Variants in SDK1 observed in about 807,000 individuals in gnomAD.
SDK1 encodes the protein protein sidekick-1.
In SDK1, 157 loss-of-function variants were observed where a neutral mutation model predicts 245.5. The observed-to-expected ratio is 0.64, with a 90% CI of 0.56 to 0.73. SDK1 has a LOEUF of 0.73. Among genes scored for constraint, SDK1 ranks in the 30% least tolerant of loss-of-function variants. The pLI is 0.00. For missense variants in SDK1, 3,583 were observed against 3,002.3 expected (o/e 1.19, Z -4.52); for synonymous variants, 1,647 against 1,278.5 (o/e 1.29, Z -6.15).
At chr7:3,972,906 A>T (rs559583497) in intron 12 of SDK1, among the ~76,000 whole-genome samples, 6 of 152,198 alleles carry the variant, frequency 3.9e-5, no homozygotes, top group African/African-American at 1.4e-4. Flanking sequence ...CAAGTGAAAG[A>T]CGACCTAGGA....
At chr7:3,662,041 ATTTTTTTT>A (rs572659449) in intron 4 of SDK1, among the ~76,000 whole-genome samples, 3,935 of 125,766 alleles carry the variant, frequency 0.031, 155 homozygotes, top group African/African-American at 0.1. Context: ...CAACGGTTGT[ATTTTTTTT>A]TTTTTTTTTT....
intron 1 of SDK1, among the ~76,000 whole-genome samples, chr7:3,341,927 T>C (rs531270876): frequency 6.6e-6 from 1 of 152,310 alleles, no homozygotes; most frequent in South Asian, 2.1e-4. Flanking sequence ...ATAAAAAGGT[T>C]ATTGAAAAAC....
intron 5 of SDK1, among the ~76,000 whole-genome samples, chr7:3,948,153 C>G (rs1780652730): frequency 6.6e-6 from 1 of 151,232 alleles, no homozygotes; most frequent in Admixed American, 6.6e-5. Flanking sequence ...AAATGCATAG[C>G]TTTGCCATCA....
At chr7:3,313,258 T>A (rs917982122) in intron 1 of SDK1, among the ~76,000 whole-genome samples, 2 of 152,044 alleles carry the variant, frequency 1.3e-5, no homozygotes, top group Non-Finnish European at 2.9e-5. Flanking sequence ...AATACAAAAA[T>A]TAGCTGGGCA....
At chr7:3,373,862 C>T (rs1781289305) in intron 1 of SDK1, among the ~76,000 whole-genome samples, 1 of 152,042 alleles carries the variant, frequency 6.6e-6, no homozygotes, top group African/African-American at 2.4e-5. Context: ...ACAAAGAAGA[C>T]CTCATTCACA....
intron 30 of SDK1, among the ~76,000 whole-genome samples, chr7:4,150,504 C>T (rs1780288261): frequency 6.6e-6 from 1 of 152,178 alleles, no homozygotes; most frequent in Non-Finnish European, 1.5e-5. Context: ...AAGGGGAGAC[C>T]ATGATCCCAC....
chr7:3,903,496 C>T (rs1162735929), intron 5 of SDK1, among the ~76,000 whole-genome samples: 1 of 152,094 alleles, frequency 6.6e-6, no homozygotes, highest in Non-Finnish European at 1.5e-5. Flanking sequence ...GAAGTAGATA[C>T]ATTTTAACCC....
chr7:4,113,734 A>T (rs888684832), intron 24 of SDK1, among the ~76,000 whole-genome samples: 1 of 152,238 alleles, frequency 6.6e-6, no homozygotes, highest in African/African-American at 2.4e-5. Flanking sequence ...AGCTAGGTCA[A>T]CATGGAACCA....
At chr7:3,960,009 C>T (rs79608276) in intron 8 of SDK1, among the ~76,000 whole-genome samples, 3,684 of 152,226 alleles carry the variant, frequency 0.024, 146 homozygotes, top group African/African-American at 0.083. Context: ...TATCAGGAAA[C>T]GAAAAGGATC....
chr7:3,986,853 T>G (rs1295808856), intron 13 of SDK1, among the ~76,000 whole-genome samples: 6 of 152,150 alleles, frequency 3.9e-5, no homozygotes, highest in African/African-American at 1.4e-4. Context: ...GAGCGAGACT[T>G]GGTCTTATAA....
chr7:4,044,183 T>A (rs1388864308), intron 17 of SDK1, among the ~76,000 whole-genome samples: 1 of 152,200 alleles, frequency 6.6e-6, no homozygotes, highest in Admixed American at 6.5e-5. Flanking sequence ...CGTGCACACG[T>A]TGGCGCCATG....
intron 4 of SDK1, 23 bp downstream of exon 4, chr7:3,642,128 G>A (rs1782671307): frequency 1.2e-6 from 2 of 1,611,222 alleles, no homozygotes; most frequent in East Asian, 2.2e-5. Flanking sequence ...AAACGTTAAA[G>A]CTTCAAATAC....
chr7:4,053,922 G>A (rs1779039706), intron 19 of SDK1, among the ~76,000 whole-genome samples: 1 of 151,866 alleles, frequency 6.6e-6, no homozygotes, highest in Admixed American at 6.6e-5. Context: ...GTTGTTGGTG[G>A]TGGTGGTGGT....
At chr7:3,968,877 G>A (rs1782270947) in intron 10 of SDK1, among the ~76,000 whole-genome samples, 1 of 152,208 alleles carries the variant, frequency 6.6e-6, no homozygotes, top group East Asian at 1.9e-4. Flanking sequence ...AATTTACAAA[G>A]AAAAGAGGTT....
intron 1 of SDK1, among the ~76,000 whole-genome samples, chr7:3,392,874 C>T (rs1781794539): frequency 6.6e-6 from 1 of 151,104 alleles, no homozygotes; most frequent in Non-Finnish European, 1.5e-5. Context: ...TTGATGGACA[C>T]TTGGGTTGTT....
intron 28 of SDK1, among the ~76,000 whole-genome samples, chr7:4,139,186 C>CG (rs964442347): frequency 6.6e-6 from 1 of 152,142 alleles, no homozygotes; most frequent in East Asian, 1.9e-4. Flanking sequence ...CTCTACCCAC[C>CG]CCCCATTTCC....
At chr7:3,825,338 AAAG>A (rs1779744313) in intron 5 of SDK1, among the ~76,000 whole-genome samples, 1 of 151,798 alleles carries the variant, frequency 6.6e-6, no homozygotes, top group Non-Finnish European at 1.5e-5. Context: ...AAAAAAAAAA[AAAG>A]CCACAGGCGA....
chr7:3,694,788 C>T (rs548356435), intron 4 of SDK1, among the ~76,000 whole-genome samples: 1 of 152,120 alleles, frequency 6.6e-6, no homozygotes, highest in Non-Finnish European at 1.5e-5. Flanking sequence ...TAATTCCTAT[C>T]GTAAGTTTGT....
chr7:3,848,597 C>T (rs948875579), intron 5 of SDK1, among the ~76,000 whole-genome samples: 2 of 152,066 alleles, frequency 1.3e-5, no homozygotes, highest in Non-Finnish European at 2.9e-5. Context: ...AGAGTACACA[C>T]TTAGCCCCAG....
Sources: allele counts gnomAD v4.1 joint callset (sites outside exome capture counted in the v4.1 genomes callset), GRCh38; gene constraint gnomAD v4.1.1; transcripts MANE v1.5; gene names NCBI Gene and HGNC (gene_info 2026-07-23, HGNC 2026-07-21).